TSEN2: variants seen among roughly 807,000 people sequenced by gnomAD.
TSEN2 encodes the protein tRNA splicing endonuclease subunit 2, also known as tRNA-splicing endonuclease subunit Sen2.
In TSEN2, 54 loss-of-function variants were observed where a neutral mutation model predicts 59.2. That is an observed-to-expected ratio of 0.91 (90% confidence interval 0.73 to 1.14). TSEN2 has a LOEUF of 1.14. Among genes scored for constraint, TSEN2 ranks in the 50% most tolerant of loss-of-function variants. The pLI is 0.00. For synonymous variants in TSEN2, 195 were observed against 198.2 expected (o/e 0.98, Z 0.14); for missense variants, 636 against 576.2 (o/e 1.10, Z -1.06).
At chr3:12,488,619 C>T (rs1199183762) in intron 1 of TSEN2, among the ~76,000 whole-genome samples, 1 of 152,182 alleles carries the variant, frequency 6.6e-6, no homozygotes, top group African/African-American at 2.4e-5. Context: ...TCTGTGCTTC[C>T]AGCTATGTTA....
chr3:12,524,739 CTTT>C (rs746602626), intron 8 of TSEN2, among the ~76,000 whole-genome samples: 1 of 131,780 alleles, frequency 7.6e-6, no homozygotes, highest in Admixed American at 8.0e-5. Flanking sequence ...TCTTTGGTCT[CTTT>C]TTTTTTTTTT....
At chr3:12,519,689 T>A (rs1575414840) in intron 8 of TSEN2, among the ~76,000 whole-genome samples, 1 of 151,846 alleles carries the variant, frequency 6.6e-6, no homozygotes, top group African/African-American at 2.4e-5. Context: ...GAACTTGCAG[T>A]GAGCCGAGAT....
At chr3:12,500,263 A>C (rs2054164928) in intron 4 of TSEN2, among the ~76,000 whole-genome samples, 1 of 152,216 alleles carries the variant, frequency 6.6e-6, no homozygotes, top group South Asian at 2.1e-4. Context: ...GGACGCCTTC[A>C]GCTCTGACCC....
At chr3:12,507,610 T>C (rs373354295) in intron 6 of TSEN2, among the ~76,000 whole-genome samples, 2 of 152,222 alleles carry the variant, frequency 1.3e-5, no homozygotes, top group South Asian at 4.1e-4. Context: ...GCCCATTGGG[T>C]ACCTACTATG....
In TSEN2 at chr3:12,503,696, C is replaced by T; in HGVS notation, c.743C>T (p.Pro248Leu). The T allele has an allele frequency of 1.4e-5, 23 of 1,612,980 alleles. No individual in the cohort carries two copies. The highest frequency in any genetic ancestry group is 2.0e-5 in the Non-Finnish European group (23 of 1,179,458). The change falls in exon 5 of 12, where the codon CCT (proline) becomes CTT (leucine). Residue 248 changes from proline (P) to leucine (L), a missense_variant. By Grantham distance (98) the Pro-to-Leu change is moderately conservative (BLOSUM62 -3). Coordinates refer to ENST00000284995, the MANE Select transcript of TSEN2 (RefSeq NM_025265.4). ...DGSQHIGLLH[P>L]GDRGPDHEYV... ...AGCCAGCACATCGGCCTCCTGCATC[C>T]TGGGGACAGAGGGCCTGACCATGAG...
chr3:12,502,618 T>G (rs2054390092), intron 4 of TSEN2, among the ~76,000 whole-genome samples: 1 of 151,466 alleles, frequency 6.6e-6, no homozygotes, highest in South Asian at 2.1e-4. Context: ...TCACTTAATC[T>G]ATCAGTTTTA....
intron 3 of TSEN2, among the ~76,000 whole-genome samples, chr3:12,493,803 T>C (rs1480903801): frequency 6.6e-6 from 1 of 152,232 alleles, no homozygotes; most frequent in African/African-American, 2.4e-5. Context: ...TCCTAATGAG[T>C]ATTAAATGGT....
At chr3:12,535,381 A>T (rs1331794380), downstream of TSEN2, among the ~76,000 whole-genome samples, 1 of 152,226 alleles carries the variant, frequency 6.6e-6, no homozygotes, top group Admixed American at 6.5e-5. Flanking sequence ...TGCCTTTTAC[A>T]TGATGTAAAA....
Position 12,496,446 on chromosome 3 carries a change from T to C in TSEN2, c.272-72T>C, listed in dbSNP as rs143731703. 183 of 1,500,428 alleles carry C rather than the reference T, an allele frequency of 1.2e-4. No homozygotes were observed. In the African/African-American group the frequency reaches 2.3e-3, roughly 19 times the overall value. The allele number at this position is 1,500,428 out of a possible 1,614,324, so 92.9% of individuals were successfully genotyped here. A position where few individuals can be genotyped will look rare whatever the true frequency, so the allele number is the denominator to read the frequency against. The stretch of plus-strand genomic sequence containing the variant: ...TTTGTGAATCTTAAAATTCTCAGTC[T>C]TTCCTAGATTTTTAGTGTTTGTTCC... On this transcript the variant is annotated intron_variant, in intron 3 of 11. Coordinates refer to ENST00000284995, the MANE Select transcript of TSEN2 (RefSeq NM_025265.4).
downstream of TSEN2, among the ~76,000 whole-genome samples, chr3:12,537,568 T>C (rs2057702856): frequency 6.6e-6 from 1 of 152,232 alleles, no homozygotes; most frequent in Admixed American, 6.5e-5. Context: ...TCTTCTCTAA[T>C]GATGGCAAAG....
intron 1 of TSEN2, among the ~76,000 whole-genome samples, chr3:12,486,264 G>A (rs1575196344): frequency 2.0e-5 from 3 of 152,230 alleles, no homozygotes; most frequent in East Asian, 3.9e-4. Context: ...CTGTTCTGCC[G>A]CGACACTAAA....
intron 11 of TSEN2, 81 bp from the exon 12 acceptor site, chr3:12,532,581 G>T: frequency 7.4e-7 from 1 of 1,357,616 alleles, no homozygotes; most frequent in East Asian, 2.3e-5. Flanking sequence ...TTTGTGAAAT[G>T]TAGCTGTGGT....
chr3:12,507,415 A>T (rs1023321762), intron 6 of TSEN2, among the ~76,000 whole-genome samples: 3 of 152,224 alleles, frequency 2.0e-5, no homozygotes. Flanking sequence ...AGTGGGGGCT[A>T]TGTAACATCT....
At chr3:12,488,097 TATC>T (rs1365959133) in intron 1 of TSEN2, among the ~76,000 whole-genome samples, 2 of 152,326 alleles carry the variant, frequency 1.3e-5, no homozygotes, top group East Asian at 1.9e-4. Context: ...TGGATACTGA[TATC>T]ATCACACGTT....
intron 10 of TSEN2, chr3:12,530,690 A>G (rs975273976): frequency 5.5e-5 from 54 of 985,396 alleles, no homozygotes; most frequent in African/African-American, 4.7e-4. Flanking sequence ...GCTTGGTCCT[A>G]TAGAAAATTA....
chr3:12,485,013 T>C (rs1239196978), intron 1 of TSEN2, 133 bp downstream of exon 1: 1 of 152,258 alleles, frequency 6.6e-6, no homozygotes, highest in Non-Finnish European at 1.5e-5. Flanking sequence ...TGCAAAATTA[T>C]GCATTTAATC....
intron 3 of TSEN2, among the ~76,000 whole-genome samples, chr3:12,494,385 T>C (rs2053532746): frequency 6.6e-6 from 1 of 152,168 alleles, no homozygotes; most frequent in African/African-American, 2.4e-5. Flanking sequence ...ATAAAATAGA[T>C]ATTTTATTAT....
Position 12,529,744 on chromosome 3 carries a change from T to C in TSEN2, c.1137-18T>C. 6.2e-7 allele frequency: 1 copy of C among 1,609,984 alleles called. No homozygotes were observed. The highest frequency in any genetic ancestry group is 2.2e-5 in the East Asian group (1 of 44,874). The stretch of plus-strand genomic sequence containing the variant: ...TATTTCATGATTACTTTTAACATGC[T>C]TTTTCTGTATTTTCCAGTTATTCTG... On this transcript the variant is annotated intron_variant, in intron 9 of 11. Transcript: ENST00000284995.
intron 8 of TSEN2, among the ~76,000 whole-genome samples, chr3:12,523,714 A>G (rs565015786): frequency 6.6e-6 from 1 of 150,830 alleles, no homozygotes; most frequent in Non-Finnish European, 1.5e-5. Context: ...TAATTTTTGT[A>G]TTTTTAGTAG....
Sources: allele counts gnomAD v4.1 joint callset (sites outside exome capture counted in the v4.1 genomes callset), GRCh38; gene constraint gnomAD v4.1.1; transcripts MANE v1.5; gene names NCBI Gene and HGNC (gene_info 2026-07-23, HGNC 2026-07-21).